The following RAP1GAP2 variants were observed in gnomAD, a reference collection of about 807,000 sequenced individuals.
RAP1GAP2 encodes RAP1 GTPase activating protein 2, also known as rap1 GTPase-activating protein 2.
A neutral mutation model predicts 95.0 loss-of-function variants in RAP1GAP2; 27 were observed. The observed-to-expected ratio is 0.28, with a 90% CI of 0.21 to 0.39. The LOEUF (loss-of-function observed/expected upper bound fraction) is 0.39, where lower values mean the gene tolerates loss of function less well. Among genes scored for constraint, RAP1GAP2 ranks in the 10% least tolerant of loss-of-function variants. RAP1GAP2 has a pLI of 1.00. For synonymous variants in RAP1GAP2, 373 were observed against 380.9 expected (o/e 0.98, Z 0.24); for missense variants, 771 against 970.0 (o/e 0.79, Z 2.72).
chr17:2,782,212 C>T (rs773063849), intron 1 of RAP1GAP2, among the ~76,000 whole-genome samples: 2 of 152,128 alleles, frequency 1.3e-5, no homozygotes, highest in African/African-American at 4.8e-5. Context: ...TTCTCCCCCT[C>T]TGGCTGTGTG....
chr17:3,017,319 C>CT (rs2046802189), intron 17 of RAP1GAP2, among the ~76,000 whole-genome samples: 7 of 151,940 alleles, frequency 4.6e-5, no homozygotes, highest in Admixed American at 1.3e-4. Flanking sequence ...TGAGCAGCTC[C>CT]GTGCCCCCCG....
intron 1 of RAP1GAP2, among the ~76,000 whole-genome samples, chr17:2,789,643 A>G (rs1229261136): frequency 3.4e-5 from 5 of 148,630 alleles, no homozygotes; most frequent in Non-Finnish European, 7.4e-5. Flanking sequence ...TTAGCCAGGC[A>G]TGGTGGCGTG....
chr17:3,018,601 G>C (rs2046855786), intron 18 of RAP1GAP2, among the ~76,000 whole-genome samples: 1 of 152,202 alleles, frequency 6.6e-6, no homozygotes, highest in African/African-American at 2.4e-5. Flanking sequence ...AGCCACCCCA[G>C]CTTACTGTGT....
chr17:2,921,649 T>G (rs112838094), intron 3 of RAP1GAP2, among the ~76,000 whole-genome samples: 3 of 144,288 alleles, frequency 2.1e-5, no homozygotes, highest in African/African-American at 7.9e-5. Flanking sequence ...AGGGCCGTTA[T>G]GTGTCCTCAG....
chr17:2,799,412 C>T (rs1183132004), intron 1 of RAP1GAP2, among the ~76,000 whole-genome samples: 1 of 152,162 alleles, frequency 6.6e-6, no homozygotes, highest in African/African-American at 2.4e-5. Flanking sequence ...AGTGAAAGGA[C>T]CCCGTCCCCT....
At chr17:2,981,545 C>T (rs1217111940) in intron 10 of RAP1GAP2, among the ~76,000 whole-genome samples, 1 of 152,142 alleles carries the variant, frequency 6.6e-6, no homozygotes, top group Non-Finnish European at 1.5e-5. Flanking sequence ...CTCCCTGAGG[C>T]CAGTGCTGGA....
intron 2 of RAP1GAP2, among the ~76,000 whole-genome samples, chr17:2,828,898 T>C (rs926657906): frequency 6.6e-6 from 1 of 152,070 alleles, no homozygotes; most frequent in Non-Finnish European, 1.5e-5. Flanking sequence ...TCCTTTTGCT[T>C]TTCTTTTTGC....
In RAP1GAP2 at chr17:2,866,329, G is replaced by T. The variant is rs749171452; in HGVS notation, c.81-38955G>T. 6.6e-6 allele frequency among the ~76,000 whole-genome samples: 1 copy of T among 152,234 alleles called. No individual in the cohort carries two copies. The highest frequency in any genetic ancestry group is 1.5e-5 in the Non-Finnish European group (1 of 68,044). ...TTAGGGCGGCCTGGGGCCATTTCGT[G>T]TTAGGTGTTGAATGCTGGGGAAAGA... On this transcript the variant is annotated intron_variant, in intron 2 of 24. Coordinates refer to ENST00000254695, the MANE Select transcript of RAP1GAP2 (RefSeq NM_015085.5). This position sits in a 1 kb window ranked among gnomAD's most constrained non-coding sequence, Gnocchi z 4.0.
chr17:2,919,621 C>A (rs1013378482), intron 3 of RAP1GAP2, among the ~76,000 whole-genome samples: 6 of 152,126 alleles, frequency 3.9e-5, no homozygotes, highest in Middle Eastern at 3.2e-3. Flanking sequence ...CCTGGGTGGC[C>A]CATGGTCTGG....
chr17:3,015,339 C>T (rs1369763907), intron 17 of RAP1GAP2, among the ~76,000 whole-genome samples: 2 of 152,128 alleles, frequency 1.3e-5, no homozygotes, highest in Non-Finnish European at 2.9e-5. Flanking sequence ...GTCCGGTTTA[C>T]AAATGGCCCT....
intron 2 of RAP1GAP2, among the ~76,000 whole-genome samples, chr17:2,832,927 G>A (rs2070955062): frequency 6.6e-6 from 1 of 151,804 alleles, no homozygotes; most frequent in Non-Finnish European, 1.5e-5. Flanking sequence ...TGCAATGAGC[G>A]AGATCGCACC....
At chr17:3,013,380 A>G (rs2046631907) in intron 17 of RAP1GAP2, among the ~76,000 whole-genome samples, 1 of 152,128 alleles carries the variant, frequency 6.6e-6, no homozygotes, top group South Asian at 2.1e-4. Flanking sequence ...GGGGTCCACG[A>G]GAGAGCTCAG....
At chr17:2,924,942 G>T (rs1013951498) in intron 3 of RAP1GAP2, among the ~76,000 whole-genome samples, 1 of 152,182 alleles carries the variant, frequency 6.6e-6, no homozygotes, top group Non-Finnish European at 1.5e-5. Context: ...TCTCAGAGAT[G>T]CCACGGGGAT....
Position 3,029,654 on chromosome 17 carries a change from A to G in RAP1GAP2, c.2108-1268A>G, listed in dbSNP as rs2047229965. Among the ~76,000 whole-genome samples the G allele has an allele frequency of 6.6e-6, 1 of 152,160 alleles. No individual in the cohort carries two copies. Among genetic ancestry groups the G allele is most frequent in the Non-Finnish European group, 1.5e-5 (1 of 68,030 alleles). On this transcript the variant is annotated intron_variant, in intron 22 of 24. Transcript: ENST00000254695. The surrounding 1 kb of genome is among the most constrained non-coding windows in gnomAD (Gnocchi z 4.4). ...TTGTAGCCCTGGGTGGAACTCCTCG[A>G]TTCGAAGCACCACGAACCAGCCAGC... is the stretch of plus-strand genomic sequence containing the variant.
At chr17:2,981,352 G>A (rs1390589893) in intron 10 of RAP1GAP2, 104 bp downstream of exon 10, 3 of 1,073,708 alleles carry the variant, frequency 2.8e-6, no homozygotes, top group East Asian at 2.7e-5. Context: ...GGGTTTCGTG[G>A]GGTCTCCATA....
At chr17:2,940,395 C>G (rs534368538) in intron 3 of RAP1GAP2, among the ~76,000 whole-genome samples, 1 of 152,220 alleles carries the variant, frequency 6.6e-6, no homozygotes. Context: ...GAAGGCTTCT[C>G]GGCTCCCTGC....
chr17:2,994,226 C>T (rs2045877993), intron 12 of RAP1GAP2, among the ~76,000 whole-genome samples: 1 of 152,068 alleles, frequency 6.6e-6, no homozygotes, highest in African/African-American at 2.4e-5. Context: ...GAGCTCCTGC[C>T]CCCTGTCCAG....
At position 2,948,576 on chromosome 17, in the gene RAP1GAP2, C is replaced by T. The variant is rs896798123; in HGVS notation, c.166-9183C>T. On this transcript the variant is annotated intron_variant, in intron 3 of 24. Transcript: ENST00000254695. ...AGATGGAGAGAAGGGGTCCTGGACT[C>T]GGGTGCAACAAGAGGGAAGGAAGAG... 6.5e-5 allele frequency among the ~76,000 whole-genome samples: 8 copies of T among 122,316 alleles called. No individual in the cohort carries two copies. The Admixed American group carries it at 6.9e-4, about 11-fold the overall frequency. The allele number at this position is 122,316 out of a possible 152,430, so 80.2% of individuals were successfully genotyped here.
chr17:2,885,930 C>A (rs986257423), intron 2 of RAP1GAP2, among the ~76,000 whole-genome samples: 1 of 152,126 alleles, frequency 6.6e-6, no homozygotes, highest in Non-Finnish European at 1.5e-5. Flanking sequence ...GGAAATGATT[C>A]GGCAGGAAGG....
Sources: gnomAD v4.1 joint callset for allele counts (sites outside exome capture counted in the v4.1 genomes callset) on GRCh38, gnomAD v4.1.1 for gene constraint, Gnocchi (gnomAD v3.1) non-coding constraint, MANE v1.5 for transcripts, NCBI Gene and HGNC (gene_info 2026-07-23, HGNC 2026-07-21) for gene names.